The following GPC5 variants were observed in gnomAD, a reference collection of about 807,000 sequenced individuals.
The protein encoded by GPC5 is glypican 5.
In GPC5, 47 loss-of-function variants were observed where a neutral mutation model predicts 53.9. The ratio of observed to expected loss-of-function variants is 0.87; its 90% CI spans 0.69 to 1.11. The LOEUF (loss-of-function observed/expected upper bound fraction) is 1.11, where lower values mean the gene tolerates loss of function less well. GPC5 is among the 50% of genes most tolerant of loss of function. The probability of loss-of-function intolerance (pLI) is 0.00; values close to 1 mark genes in which losing one functional copy is unlikely to be tolerated. For synonymous variants in GPC5, 286 were observed against 263.3 expected, an observed-to-expected ratio of 1.09 and a Z score of -0.84; for missense variants, 748 against 713.1, an observed-to-expected ratio of 1.05 and a Z score of -0.56.
chr13:92,573,012 G>A (rs1382897927), intron 7 of GPC5, among the ~76,000 whole-genome samples: 10 of 152,162 alleles, frequency 6.6e-5, no homozygotes, highest in Non-Finnish European at 1.5e-5. Flanking sequence ...AATTGGCTTT[G>A]ATGCGATCAA....
chr13:91,798,086 C>G (rs1428021785), intron 5 of GPC5, among the ~76,000 whole-genome samples: 1 of 152,166 alleles, frequency 6.6e-6, no homozygotes, highest in Non-Finnish European at 1.5e-5. Flanking sequence ...GTATGATGAA[C>G]AAATTTGCCC....
At chr13:92,630,466 C>A (rs2139130820) in intron 7 of GPC5, among the ~76,000 whole-genome samples, 1 of 138,558 alleles carries the variant, frequency 7.2e-6, no homozygotes, top group African/African-American at 2.6e-5. Context: ...GATTGTTGGG[C>A]AAAACCTTTT....
In GPC5 at chr13:92,357,183, G is replaced by T. The variant is rs535619997; in HGVS notation, c.1561+212194G>T. 2.1e-4 allele frequency among the ~76,000 whole-genome samples: 32 copies of T among 151,854 alleles called. 3 individuals are homozygous for T. The highest frequency in any genetic ancestry group is 7.5e-4 in the African/African-American group (31 of 41,118). The stretch of plus-strand genomic sequence containing the variant: ...ATAGTACTGCAAGGGACACACATGT[G>T]CATGTGTCTTTATGGCAGAATGATT... On this transcript the variant is annotated intron_variant, in intron 7 of 7. Coordinates refer to ENST00000377067, the MANE Select transcript of GPC5 (RefSeq NM_004466.6).
chr13:92,745,594 AG>A (rs1435256865), intron 7 of GPC5, among the ~76,000 whole-genome samples: 1 of 152,098 alleles, frequency 6.6e-6, no homozygotes, highest in Non-Finnish European at 1.5e-5. Context: ...TCTGGTCATT[AG>A]GGTAAAATAG....
chr13:92,410,727 A>C (rs1190821849), intron 7 of GPC5, among the ~76,000 whole-genome samples: 2 of 152,216 alleles, frequency 1.3e-5, no homozygotes, highest in African/African-American at 4.8e-5. Context: ...TTGAGTTAAA[A>C]ACCGGATTAA....
chr13:92,354,343 AAAT>A (rs1375522884), intron 7 of GPC5, among the ~76,000 whole-genome samples: 2 of 152,214 alleles, frequency 1.3e-5, no homozygotes, highest in Non-Finnish European at 2.9e-5. Flanking sequence ...CTTATTTTAA[AAAT>A]AGTTGAAAGC....
At chr13:92,767,686 A>G (rs1227480522) in intron 7 of GPC5, among the ~76,000 whole-genome samples, 1 of 152,016 alleles carries the variant, frequency 6.6e-6, no homozygotes, top group Non-Finnish European at 1.5e-5. Flanking sequence ...AGACAGGTTT[A>G]CTCTTTATTC....
chr13:91,961,638 A>G (rs141188669), intron 6 of GPC5, among the ~76,000 whole-genome samples: 1 of 152,198 alleles, frequency 6.6e-6, no homozygotes, highest in East Asian at 1.9e-4. Context: ...ACAAACTCAT[A>G]TGTCCTCAAA....
chr13:91,989,520 T>C (rs914048811), intron 6 of GPC5, among the ~76,000 whole-genome samples: 5 of 152,200 alleles, frequency 3.3e-5, no homozygotes, highest in African/African-American at 1.2e-4. Flanking sequence ...GATGTGTTTT[T>C]AATGAATGTA....
intron 5 of GPC5, among the ~76,000 whole-genome samples, chr13:91,840,709 C>G (rs571823558): frequency 6.6e-6 from 1 of 150,384 alleles, no homozygotes; most frequent in Non-Finnish European, 1.5e-5. Flanking sequence ...TTTAAAATTT[C>G]TAATGCTAGC....
At chr13:92,239,693 G>C (rs2042595816) in intron 7 of GPC5, 1 of 151,962 alleles carries the variant, frequency 6.6e-6, no homozygotes, top group Middle Eastern at 3.4e-3. Context: ...AATTATTATA[G>C]TTATAATCTC....
intron 5 of GPC5, among the ~76,000 whole-genome samples, chr13:91,762,418 A>G (rs928624723): frequency 9.9e-5 from 15 of 151,230 alleles, no homozygotes; most frequent in African/African-American, 3.4e-4. Context: ...CCTATTTAAC[A>G]TCTGTCCTAG....
chr13:92,730,887 C>A (rs559968943), intron 7 of GPC5, among the ~76,000 whole-genome samples: 3 of 151,366 alleles, frequency 2.0e-5, no homozygotes, highest in African/African-American at 4.8e-5. Flanking sequence ...TGGGTCTTAG[C>A]GGGTGGTGAA....
At chr13:92,846,614 A>G (rs1345570227) in intron 7 of GPC5, among the ~76,000 whole-genome samples, 1 of 152,206 alleles carries the variant, frequency 6.6e-6, no homozygotes, top group East Asian at 1.9e-4. Context: ...TTAGTATTCC[A>G]TAAACAAGCT....
At chr13:92,672,103 G>T (rs1886773881) in intron 7 of GPC5, among the ~76,000 whole-genome samples, 1 of 152,136 alleles carries the variant, frequency 6.6e-6, no homozygotes, top group Non-Finnish European at 1.5e-5. Flanking sequence ...ATAAGTTCCA[G>T]ACTTCAGTTT....
chr13:91,835,856 A>C (rs1394006057), intron 5 of GPC5, among the ~76,000 whole-genome samples: 3 of 152,150 alleles, frequency 2.0e-5, no homozygotes, highest in Non-Finnish European at 4.4e-5. Context: ...CACGTTTTGC[A>C]CAGGTACCCT....
chr13:92,132,623 T>G (rs1261407274), intron 6 of GPC5, among the ~76,000 whole-genome samples: 1 of 152,092 alleles, frequency 6.6e-6, no homozygotes, highest in Non-Finnish European at 1.5e-5. Context: ...CTGTGCGTAT[T>G]CCTCTGTGTT....
intron 6 of GPC5, among the ~76,000 whole-genome samples, chr13:92,129,993 A>G (rs1245806187): frequency 1.3e-5 from 2 of 152,132 alleles, no homozygotes; most frequent in East Asian, 3.8e-4. Context: ...TAAGGAACAT[A>G]ATACAAATAA....
chr13:91,558,922 T>C (rs1208811849), intron 2 of GPC5, among the ~76,000 whole-genome samples: 2 of 152,106 alleles, frequency 1.3e-5, no homozygotes, highest in Non-Finnish European at 2.9e-5. Flanking sequence ...ACTATTGGTA[T>C]ATTTTTAGAG....
Sources: allele counts gnomAD v4.1 joint callset (sites outside exome capture counted in the v4.1 genomes callset), GRCh38; gene constraint gnomAD v4.1.1; transcripts MANE v1.5; gene names NCBI Gene and HGNC (gene_info 2026-07-23, HGNC 2026-07-21).